Variants in SAFB2 observed in about 807,000 individuals in gnomAD.
SAFB2 encodes the protein scaffold attachment factor B2.
SAFB2 carries 32 observed loss-of-function variants against 100.6 expected under a neutral mutation model. The observed-to-expected ratio is 0.32, with a 90% CI of 0.24 to 0.43. The LOEUF is 0.43. Among genes scored for constraint, SAFB2 ranks in the 20% least tolerant of loss-of-function variants. The pLI is 1.00. For synonymous variants in SAFB2, 500 were observed against 439.4 expected, an observed-to-expected ratio of 1.14 and a Z score of -1.72; for missense variants, 1,185 against 1,163.4, an observed-to-expected ratio of 1.02 and a Z score of -0.27.
chr19:5,596,278 A>C (rs2052534534), intron 13 of SAFB2, among the ~76,000 whole-genome samples: 1 of 152,198 alleles, frequency 6.6e-6, no homozygotes, highest in Admixed American at 6.5e-5. Flanking sequence ...AATAAAGAGA[A>C]TATGCCAAAA....
At chr19:5,610,733 G>C in intron 7 of SAFB2, 45 bp from the exon 8 acceptor site, 1 of 1,333,758 alleles carries the variant, frequency 7.5e-7, no homozygotes, top group Non-Finnish European at 1.0e-6. Flanking sequence ...AAAAACGAAA[G>C]AGAACAAAAC....
chr19:5,590,491 C>G, intron 17 of SAFB2, 83 bp from the exon 18 acceptor site: 2 of 1,441,366 alleles, frequency 1.4e-6, no homozygotes, highest in Non-Finnish European at 9.2e-7. Context: ...CCACTGCAGG[C>G]CCCAGGGTGG....
rs1185361110 is a variant in SAFB2 at position 5,600,239 on chromosome 19, C to T, written c.1581G>A (p.Glu527=). The T allele has an allele frequency of 1.2e-6, 2 of 1,612,552 alleles. No individual in the cohort carries two copies. Among genetic ancestry groups the T allele is most frequent in the Non-Finnish European group, 1.7e-6 (2 of 1,179,390 alleles). Residue 527 remains glutamate, a synonymous_variant, in exon 12 of 21, where the codon GAG becomes GAA. Transcript: ENST00000252542. ...KIEKTVIKKE[E]KIEKKEEKKP... Reference sequence around the variant, plus strand: ...TTTTTTCCTCCTTCTTCTCAATCTTCTCTTCCTTCTTAATTACAGTTCTAT... The same window carrying T: ...TTTTTTCCTCCTTCTTCTCAATCTTTTCTTCCTTCTTAATTACAGTTCTAT...
chr19:5,591,841 C>A (rs767423947), intron 16 of SAFB2, 48 bp from the exon 17 acceptor site: 2 of 1,600,160 alleles, frequency 1.2e-6, no homozygotes, highest in Admixed American at 3.3e-5. Context: ...CACGACTACA[C>A]ATTTCTGCAG....
At chr19:5,622,486 T>G (rs771057133) in intron 1 of SAFB2, 44 bp downstream of exon 1, 1 of 1,488,432 alleles carries the variant, frequency 6.7e-7, no homozygotes, top group Middle Eastern at 2.4e-4. Context: ...GGCGGGGGCG[T>G]GCCCGGGCCT....
intron 4 of SAFB2, among the ~76,000 whole-genome samples, chr19:5,615,713 A>G (rs1307599785): frequency 6.6e-6 from 1 of 152,166 alleles, no homozygotes; most frequent in Non-Finnish European, 1.5e-5. Context: ...AAATAAATAA[A>G]CCATCTTTGC....
At chr19:5,605,347 T>C (rs1364754848) in intron 9 of SAFB2, among the ~76,000 whole-genome samples, 1 of 152,052 alleles carries the variant, frequency 6.6e-6, no homozygotes, top group Non-Finnish European at 1.5e-5. Flanking sequence ...TCAAGTGATC[T>C]ACCCAAGTCG....
intron 9 of SAFB2, among the ~76,000 whole-genome samples, chr19:5,609,321 T>A (rs866915405): frequency 1.5e-3 from 206 of 140,614 alleles, no homozygotes; most frequent in South Asian, 3.6e-3. Context: ...TTTTTTTTTT[T>A]ATGACATAGT....
At chr19:5,606,358 G>T (rs1367495766) in intron 9 of SAFB2, among the ~76,000 whole-genome samples, 1 of 152,226 alleles carries the variant, frequency 6.6e-6, no homozygotes, top group Non-Finnish European at 1.5e-5. Context: ...GGGCACAGTG[G>T]CTCATGCCTG....
intron 8 of SAFB2, 69 bp from the exon 9 acceptor site, chr19:5,610,164 C>A (rs552515964): frequency 7.7e-7 from 1 of 1,298,832 alleles, no homozygotes; most frequent in Non-Finnish European, 1.1e-6. Context: ...TTCTTAAGAC[C>A]GCAGCCCTCT....
At chr19:5,595,601 T>G (rs780704779) in intron 13 of SAFB2, 104 bp from the exon 14 acceptor site, 44 of 1,382,682 alleles carry the variant, frequency 3.2e-5, no homozygotes, top group Non-Finnish European at 3.9e-5. Flanking sequence ...TGGCCCCACA[T>G]GGTGTAGATG....
rs758466057 is a variant in SAFB2 at position 5,610,102 on chromosome 19, CGA to C, written c.1196-9_1196-8del. 1 of 1,613,274 alleles carries C rather than the reference CGA, an allele frequency of 6.2e-7. No individual in the cohort carries two copies. ...GAACCGCTGCCGACCCGACCTGGCA[CGA>C]GAGGGAGATTCTTAGGCATCACCCC... On this transcript the variant is annotated splice_region_variant and splice_polypyrimidine_tract_variant and intron_variant, in intron 8 of 20. Transcript: ENST00000252542.
chr19:5,608,855 C>T (rs1298150973), intron 9 of SAFB2, among the ~76,000 whole-genome samples: 2 of 152,110 alleles, frequency 1.3e-5, no homozygotes, highest in Admixed American at 1.3e-4. Context: ...GGAGACCAGT[C>T]TGGCCAACAT....
At chr19:5,616,790 T>G (rs768901568) in intron 2 of SAFB2, among the ~76,000 whole-genome samples, 8 of 151,818 alleles carry the variant, frequency 5.3e-5, no homozygotes, top group Non-Finnish European at 8.8e-5. Context: ...CAGCTGGGAC[T>G]ACAGGCGTGC....
chr19:5,592,838 G>C lies in SAFB2; in HGVS notation c.2257C>G (p.Arg753Gly). 6.2e-7 allele frequency: 1 copy of C among 1,614,166 alleles called. No individual in the cohort carries two copies. ...GGCCGGGGAAAGTCTGCACGATATCGGTCCTCCATTGCCACACGCTTTCCT... is the reference window on the plus strand; with the variant it reads ...GGCCGGGGAAAGTCTGCACGATATCCGTCCTCCATTGCCACACGCTTTCCT... ...PEGKRVAMED[R>G]YRADFPRPDH... The change falls in exon 16 of 21, where the codon CGA (arginine) becomes GGA (glycine). Residue 753 changes from arginine (R) to glycine (G), a missense_variant. Physicochemically the swap from Arg to Gly is moderately radical, Grantham distance 125 (BLOSUM62 -2). This residue lies in a region of SAFB2 where 740 missense variants were observed against 687.1 expected (regional missense o/e 1.08). Transcript: ENST00000252542.
At chr19:5,612,154 G>C in intron 6 of SAFB2, 1 of 339,242 alleles carries the variant, frequency 2.9e-6, no homozygotes, top group Non-Finnish European at 5.5e-6. Context: ...CACTTCTCAG[G>C]TGGTAAGTGC....
chr19:5,619,483 G>A (rs933892511), intron 2 of SAFB2, among the ~76,000 whole-genome samples: 4 of 152,132 alleles, frequency 2.6e-5, no homozygotes, highest in African/African-American at 9.7e-5. Flanking sequence ...TAGACATTCA[G>A]GCAGGTCTTC....
chr19:5,619,086 T>C (rs531291116), intron 2 of SAFB2, among the ~76,000 whole-genome samples: 2 of 152,350 alleles, frequency 1.3e-5, no homozygotes, highest in South Asian at 4.1e-4. Context: ...TGAACACTGC[T>C]GCATAGTGCT....
At chr19:5,594,293 T>G in intron 14 of SAFB2, 115 bp from the exon 15 acceptor site, 2 of 1,286,056 alleles carry the variant, frequency 1.6e-6, no homozygotes, top group Non-Finnish European at 2.1e-6. Context: ...ATCCAAAAGC[T>G]CACCGGGCTT....
Sources: gnomAD v4.1 joint callset for allele counts (sites outside exome capture counted in the v4.1 genomes callset) on GRCh38, gnomAD v4.1.1 for gene constraint, gnomAD v4.1.1 regional missense constraint, MANE v1.5 for transcripts, NCBI Gene and HGNC (gene_info 2026-07-23, HGNC 2026-07-21) for gene names.